The following CDC27 variants were observed in gnomAD, a reference collection of about 807,000 sequenced individuals.
The protein encoded by CDC27 is cell division cycle protein 27 homolog.
CDC27 carries 27 observed loss-of-function variants against 109.7 expected under a neutral mutation model. That is an observed-to-expected ratio of 0.25 (90% CI 0.18 to 0.34). The LOEUF is 0.34. CDC27 is among the 10% of genes least tolerant of loss of function. CDC27 has a pLI of 1.00. For synonymous variants in CDC27, 266 were observed against 333.9 expected (o/e 0.80, Z 2.22); for missense variants, 579 against 960.2 (o/e 0.60, Z 5.25).
intron 2 of CDC27, among the ~76,000 whole-genome samples, chr17:47,177,296 A>G (rs221607): frequency 0.61 from 92,568 of 151,982 alleles, 28,660 homozygotes; most frequent in Admixed American, 0.69. Context: ...AAAAATAAAG[A>G]CCGGATACAG....
At chr17:47,180,292 T>TTCTA (rs2064173600) in intron 2 of CDC27, among the ~76,000 whole-genome samples, 1 of 152,182 alleles carries the variant, frequency 6.6e-6, no homozygotes, top group Non-Finnish European at 1.5e-5. Flanking sequence ...CTTCTCACCT[T>TTCTA]TCTAATCTTT....
intron 4 of CDC27, among the ~76,000 whole-genome samples, chr17:47,162,282 C>T (rs918811281): frequency 2.0e-5 from 3 of 152,160 alleles, no homozygotes; most frequent in East Asian, 1.9e-4. Flanking sequence ...ATCCTTATTG[C>T]TTCTCATCTA....
chr17:47,122,424 A>G lies in CDC27; in HGVS notation c.2392+20T>C, dbSNP rs751829755. On this transcript the variant is annotated intron_variant, in intron 18 of 18. Transcript: ENST00000066544. The stretch of plus-strand genomic sequence containing the variant: ...AAAGGTAACTTTCTAAATACTCAAA[A>G]TCATATGTATGATACTTACTGATCT... 9 of 1,479,516 alleles carry G rather than the reference A, an allele frequency of 6.1e-6. No homozygotes were observed. The East Asian group carries it at 2.1e-4, about 35-fold the overall frequency. 91.6% of individuals were successfully genotyped at this position (1,479,516 alleles called of 1,614,324 possible).
rs897476870 is a variant in CDC27 at position 47,133,680 on chromosome 17, C to G, written c.1914-1306G>C. Among the ~76,000 whole-genome samples the G allele has an allele frequency of 3.9e-5, 6 of 151,990 alleles. No individual in the cohort carries two copies. In the South Asian group the frequency reaches 1.2e-3, roughly 32 times the overall value. On this transcript the variant is annotated intron_variant, in intron 14 of 18. Coordinates refer to ENST00000066544, the MANE Select transcript of CDC27 (RefSeq NM_001256.6). The stretch of plus-strand genomic sequence containing the variant: ...TCTCGAACTCCCGACTCAGGTGATC[C>G]GCCCGCCTCGGCCTCGGCCTCCCAA...
At chr17:47,179,484 T>G (rs2064144258) in intron 2 of CDC27, among the ~76,000 whole-genome samples, 2 of 152,230 alleles carry the variant, frequency 1.3e-5, no homozygotes, top group South Asian at 4.1e-4. Flanking sequence ...AGTTACCGCC[T>G]GTGGACATTA....
rs140495002 is a variant in CDC27 at position 47,148,292 on chromosome 17, A to G, written c.1070+3514T>C. 1.8e-3 allele frequency among the ~76,000 whole-genome samples: 267 copies of G among 152,304 alleles called. 1 individual carries two copies. Among genetic ancestry groups the G allele is most frequent in the Non-Finnish European group, 1.2e-3 (83 of 68,024 alleles). ...AAAAACAAAACAAAACAAAAAACCC[A>G]ACAACACTGGGTGTGGTTAATAACA... On this transcript the variant is annotated intron_variant, in intron 9 of 18. Transcript: ENST00000066544.
intron 10 of CDC27, among the ~76,000 whole-genome samples, chr17:47,143,450 G>A (rs1263210835): frequency 6.6e-6 from 1 of 152,092 alleles, no homozygotes; most frequent in Non-Finnish European, 1.5e-5. Flanking sequence ...GTGTATGTGT[G>A]TGCATAGTTC....
chr17:47,127,176 G>T (rs2062168427), intron 16 of CDC27, among the ~76,000 whole-genome samples: 1 of 152,100 alleles, frequency 6.6e-6, no homozygotes, highest in Non-Finnish European at 1.5e-5. Context: ...CTGGGTACAA[G>T]GAATTCAGCC....
chr17:47,127,709 T>A (rs1692333077), intron 16 of CDC27, among the ~76,000 whole-genome samples: 1 of 151,694 alleles, frequency 6.6e-6, no homozygotes, highest in African/African-American at 2.4e-5. Context: ...CCCTATTTTT[T>A]TTTTGTTTTT....
intron 7 of CDC27, among the ~76,000 whole-genome samples, chr17:47,155,338 T>C (rs1350019000): frequency 6.6e-6 from 1 of 152,174 alleles, no homozygotes. Context: ...CTCCACCTGC[T>C]GGGTTCAAAT....
At chr17:47,188,832 C>A in intron 1 of CDC27, 1 of 1,259,662 alleles carries the variant, frequency 7.9e-7, no homozygotes, top group Non-Finnish European at 1.0e-6. Context: ...TTTTCGGCCC[C>A]TCATCTCCCA....
chr17:47,131,802 A>G (rs76419572), intron 15 of CDC27, among the ~76,000 whole-genome samples: 1 of 91,822 alleles, frequency 1.1e-5, no homozygotes, highest in South Asian at 4.0e-4. Flanking sequence ...CCAAGTAGCC[A>G]GGACCACAGG....
At chr17:47,124,019 G>T in intron 16 of CDC27, 59 bp from the exon 17 acceptor site, 1 of 1,118,304 alleles carries the variant, frequency 8.9e-7, no homozygotes. Flanking sequence ...TTGACCAAGC[G>T]TTTTTACTTA....
chr17:47,124,456 G>T (rs1277662323), intron 16 of CDC27, among the ~76,000 whole-genome samples: 1 of 151,978 alleles, frequency 6.6e-6, no homozygotes, highest in African/African-American at 2.4e-5. Flanking sequence ...GCTAATTTTT[G>T]TATTTTTAGT....
At chr17:47,149,760 GC>G (rs950371747) in intron 9 of CDC27, among the ~76,000 whole-genome samples, 13 of 151,778 alleles carry the variant, frequency 8.6e-5, no homozygotes, top group African/African-American at 2.7e-4. Flanking sequence ...TTTGACGCTA[GC>G]CTGGCCAACA....
chr17:47,140,431 A>G (rs550684970), intron 12 of CDC27, among the ~76,000 whole-genome samples: 3 of 152,302 alleles, frequency 2.0e-5, no homozygotes, highest in South Asian at 4.1e-4. Context: ...TCATTCAGGC[A>G]TGGTAACAAG....
Position 47,118,175 on chromosome 17 carries a change from G to T in CDC27, c.*2760C>A, listed in dbSNP as rs2061914552. 1 of 152,074 alleles carries T rather than the reference G, an allele frequency of 6.6e-6. No individual in the cohort carries two copies. Among genetic ancestry groups the T allele is most frequent in the Admixed American group, 6.6e-5 (1 of 15,258 alleles). The allele number at this position is 152,074 out of a possible 1,614,324, so 9.4% of individuals were successfully genotyped here. A position where few individuals can be genotyped will look rare whatever the true frequency, so the allele number is the denominator to read the frequency against. On this transcript the variant is annotated 3_prime_UTR_variant, in exon 19 of 19. Transcript: ENST00000066544. The stretch of plus-strand genomic sequence containing the variant: ...TCAGTGAAGACTCATACTATACTCT[G>T]GCTAATCAGAGACTTCCAAACTTTT...
chr17:47,164,240 T>C (rs1349298717), intron 4 of CDC27, among the ~76,000 whole-genome samples: 1 of 152,214 alleles, frequency 6.6e-6, no homozygotes, highest in Non-Finnish European at 1.5e-5. Flanking sequence ...GGCTACACCA[T>C]CTAGGTTTGT....
intron 9 of CDC27, among the ~76,000 whole-genome samples, chr17:47,147,741 A>T (rs2063014432): frequency 1.3e-5 from 2 of 151,788 alleles, no homozygotes; most frequent in Admixed American, 1.3e-4. Context: ...AAAAATAAAA[A>T]ATAAAAATAA....
Sources: gnomAD v4.1 joint callset for allele counts (sites outside exome capture counted in the v4.1 genomes callset) on GRCh38, gnomAD v4.1.1 for gene constraint, MANE v1.5 for transcripts, NCBI Gene and HGNC (gene_info 2026-07-23, HGNC 2026-07-21) for gene names.